Variants in BANP observed in about 807,000 individuals in gnomAD.
BANP encodes protein BANP.
BANP carries 11 observed loss-of-function variants against 68.1 expected under a neutral mutation model. The observed-to-expected ratio is 0.16, with a 90% CI of 0.10 to 0.27. The LOEUF is 0.27. Among genes scored for constraint, BANP ranks in the 10% least tolerant of loss-of-function variants. BANP has a pLI of 1.00. For synonymous variants in BANP, 329 were observed against 303.2 expected, an observed-to-expected ratio of 1.09 and a Z score of -0.88; for missense variants, 504 against 722.7, an observed-to-expected ratio of 0.70 and a Z score of 3.47.
rs2058416442 is a variant in BANP, at chr16:87,957,922, G to C, written c.-69+6407G>C. Among the ~76,000 whole-genome samples, 1 of 152,296 alleles carries C rather than the reference G, an allele frequency of 6.6e-6. No individual in the cohort carries two copies. The highest frequency in any genetic ancestry group is 2.4e-5 in the African/African-American group (1 of 41,560). Reference sequence around the variant, plus strand: ...TCAAGTGAGCTCAGCTCTTGTGTCGGTGGGAGCTGGCGGTGGGTCCCTGAG... The same window carrying C: ...TCAAGTGAGCTCAGCTCTTGTGTCGCTGGGAGCTGGCGGTGGGTCCCTGAG... On this transcript the variant is annotated intron_variant, in intron 1 of 13. Coordinates refer to ENST00000682872, the MANE Select transcript of BANP (RefSeq NM_001386991.1). This position sits in a 1 kb window ranked among gnomAD's most constrained non-coding sequence, Gnocchi z 4.3.
chr16:87,976,818 T>C (rs1198281732), intron 2 of BANP, among the ~76,000 whole-genome samples: 1 of 152,228 alleles, frequency 6.6e-6, no homozygotes, highest in Non-Finnish European at 1.5e-5. Context: ...GGAGTGCTGC[T>C]GGTTAGTTTT....
intron 11 of BANP, among the ~76,000 whole-genome samples, chr16:88,051,498 A>G (rs367849900): frequency 1.3e-5 from 2 of 152,200 alleles, no homozygotes; most frequent in African/African-American, 4.8e-5. Context: ...CAGTAGGCAC[A>G]TGGGAAGTGC....
chr16:88,075,250 G>T (rs1373378971), intron 13 of BANP, among the ~76,000 whole-genome samples: 1 of 152,214 alleles, frequency 6.6e-6, no homozygotes, highest in Non-Finnish European at 1.5e-5. Flanking sequence ...GGAGGCTGAG[G>T]CAGGAGAACT....
intron 1 of BANP, among the ~76,000 whole-genome samples, chr16:87,956,010 C>G (rs1039894466): frequency 6.6e-6 from 1 of 152,150 alleles, no homozygotes; most frequent in Non-Finnish European, 1.5e-5. Flanking sequence ...TTCCCACAAC[C>G]TTGAGGGAGG....
At chr16:87,955,463 G>A (rs562149118) in intron 1 of BANP, among the ~76,000 whole-genome samples, 100 of 152,278 alleles carry the variant, frequency 6.6e-4, no homozygotes, top group African/African-American at 1.9e-3. Context: ...TGATGTTGAC[G>A]TCTTATGTAA....
intron 11 of BANP, among the ~76,000 whole-genome samples, chr16:88,058,324 G>A (rs373561377): frequency 1.1e-4 from 16 of 152,242 alleles, no homozygotes; most frequent in Admixed American, 9.2e-4. Context: ...GGCCCGAGGA[G>A]GACGGCAGGC....
At position 87,957,956 on chromosome 16, in the gene BANP, T is replaced by G. The variant is rs1167001526; in HGVS notation, c.-69+6441T>G. 6.6e-6 allele frequency among the ~76,000 whole-genome samples: 1 copy of G among 152,108 alleles called. No individual in the cohort carries two copies. The highest frequency in any genetic ancestry group is 1.5e-5 in the Non-Finnish European group (1 of 68,010). On this transcript the variant is annotated intron_variant, in intron 1 of 13. Coordinates refer to ENST00000682872, the MANE Select transcript of BANP (RefSeq NM_001386991.1). The surrounding 1 kb of genome is among the most constrained non-coding windows in gnomAD (Gnocchi z 4.3). The stretch of plus-strand genomic sequence containing the variant: ...GGCGGTGGGTCCCTGAGCAGAGTGC[T>G]GCCGCTGCCAGTCTGCGTTTTCTGC...
intron 4 of BANP, among the ~76,000 whole-genome samples, chr16:87,995,250 G>C (rs2066877320): frequency 6.6e-6 from 1 of 152,234 alleles, no homozygotes; most frequent in African/African-American, 2.4e-5. Context: ...GTAGGCTGTG[G>C]GCTGCCCTGG....
chr16:87,990,817 C>A (rs2065709485), intron 4 of BANP, among the ~76,000 whole-genome samples: 1 of 152,164 alleles, frequency 6.6e-6, no homozygotes, highest in South Asian at 2.1e-4. Context: ...GGCTGGAGTG[C>A]AGTGGCGCAA....
At chr16:87,968,045 C>T (rs1464924470) in intron 1 of BANP, among the ~76,000 whole-genome samples, 7 of 150,700 alleles carry the variant, frequency 4.6e-5, no homozygotes, top group African/African-American at 9.7e-5. Context: ...TGAGCCACCA[C>T]GCCTGGCCAG....
intron 6 of BANP, among the ~76,000 whole-genome samples, chr16:88,013,731 C>T (rs1208767619): frequency 1.3e-5 from 2 of 152,216 alleles, no homozygotes; most frequent in Non-Finnish European, 2.9e-5. Flanking sequence ...TCAGAACCTC[C>T]TTGCTAAGCA....
In BANP at chr16:87,957,242, C is replaced by T. The variant is rs1056301432; in HGVS notation, c.-69+5727C>T. On this transcript the variant is annotated intron_variant, in intron 1 of 13. Coordinates refer to ENST00000682872, the MANE Select transcript of BANP (RefSeq NM_001386991.1). This position sits in a 1 kb window ranked among gnomAD's most constrained non-coding sequence, Gnocchi z 4.3. ...GTGGAGGATGGCGCGGTGCTCCATT[C>T]GGAACCCACAGGTCGCCAGCTTACA... 6.6e-6 allele frequency among the ~76,000 whole-genome samples: 1 copy of T among 152,158 alleles called. No individual in the cohort carries two copies. Among genetic ancestry groups the T allele is most frequent in the African/African-American group, 2.4e-5 (1 of 41,434 alleles).
At chr16:87,998,930 G>GCACT (rs55831949) in intron 4 of BANP, among the ~76,000 whole-genome samples, 2 of 8,060 alleles carry the variant, frequency 2.5e-4, no homozygotes, top group Admixed American at 9.6e-4. Context: ...CTCCATGCAC[G>GCACT]TGCGCGGCTG....
At chr16:88,006,834 C>T (rs936279393) in intron 6 of BANP, among the ~76,000 whole-genome samples, 1 of 150,968 alleles carries the variant, frequency 6.6e-6, no homozygotes, top group Non-Finnish European at 1.5e-5. Flanking sequence ...TGCCTGTAAT[C>T]CCAGCTACTT....
upstream of BANP, chr16:87,951,429 T>G (rs1032217305): frequency 6.6e-6 from 1 of 151,132 alleles, no homozygotes; most frequent in African/African-American, 2.4e-5. Flanking sequence ...TCGCGGCGCC[T>G]GCGCAGAGCG....
In BANP at chr16:88,075,111, T is replaced by G. The variant is rs192202295; in HGVS notation, c.1522-1479T>G. On this transcript the variant is annotated intron_variant, in intron 13 of 13. Coordinates refer to ENST00000682872, the MANE Select transcript of BANP (RefSeq NM_001386991.1). ...CTGTAATCCCAGCATTTTGGGAGGC[T>G]GAGGCAGGCCAATCACCTGAGGTCA... 2.3e-4 allele frequency among the ~76,000 whole-genome samples: 35 copies of G among 152,232 alleles called. 2 individuals carry two copies. The East Asian group carries it at 6.8e-3, about 29-fold the overall frequency.
At chr16:87,993,193 G>A (rs867734430) in intron 4 of BANP, among the ~76,000 whole-genome samples, 2 of 152,192 alleles carry the variant, frequency 1.3e-5, no homozygotes, top group African/African-American at 2.4e-5. Flanking sequence ...ATGCTGATGC[G>A]GGTCACCTGG....
chr16:87,990,434 G>A (rs1302333072), intron 4 of BANP, among the ~76,000 whole-genome samples: 1 of 152,172 alleles, frequency 6.6e-6, no homozygotes, highest in African/African-American at 2.4e-5. Flanking sequence ...ATTTGTTGTG[G>A]TGTTATGTAG....
chr16:87,950,173 G>A (rs566281971), upstream of BANP, among the ~76,000 whole-genome samples: 7 of 152,184 alleles, frequency 4.6e-5, no homozygotes, highest in African/African-American at 1.4e-4. Flanking sequence ...CGCCGCGCCC[G>A]GCCAGCATTT....
Sources: gnomAD v4.1 joint callset for allele counts (sites outside exome capture counted in the v4.1 genomes callset) on GRCh38, gnomAD v4.1.1 for gene constraint, Gnocchi (gnomAD v3.1) non-coding constraint, MANE v1.5 for transcripts, NCBI Gene and HGNC (gene_info 2026-07-23, HGNC 2026-07-21) for gene names.